CLDN11: variants seen among roughly 807,000 people sequenced by gnomAD.
The protein encoded by CLDN11 is claudin 11, also known as claudin-11.
CLDN11 carries 1 observed loss-of-function variant against 18.0 expected under a neutral mutation model. The ratio of observed to expected loss-of-function variants is 0.06; its 90% CI spans 0.02 to 0.26. The LOEUF (loss-of-function observed/expected upper bound fraction) is 0.26. Among genes scored for constraint, CLDN11 ranks in the 10% least tolerant of loss-of-function variants. CLDN11 has a pLI of 1.00. For synonymous variants in CLDN11, 116 were observed against 121.5 expected, an observed-to-expected ratio of 0.96 and a Z score of 0.30; for missense variants, 172 against 276.6, an observed-to-expected ratio of 0.62 and a Z score of 2.68.
chr3:170,428,978 T>C (rs1429759173), intron 2 of CLDN11, among the ~76,000 whole-genome samples: 1 of 152,196 alleles, frequency 6.6e-6, no homozygotes, highest in Non-Finnish European at 1.5e-5. Context: ...GCGAATAAAA[T>C]TAAAACTATC....
chr3:170,425,710 C>T (rs1478105015), intron 2 of CLDN11, among the ~76,000 whole-genome samples: 4 of 152,170 alleles, frequency 2.6e-5, no homozygotes, highest in Non-Finnish European at 5.9e-5. Context: ...GGAGGCTGCC[C>T]ATTTCCGGAC....
At position 170,433,163 on chromosome 3, in the gene CLDN11, A is replaced by G. The variant is rs1253429157; in HGVS notation, c.*407A>G. ...TTTTTTTTTTTTTTTTTTTTTTTAA[A>G]TAGGGCCTCACTCTGTTGCTCAGGC... is the stretch of plus-strand genomic sequence containing the variant. On this transcript the variant is annotated 3_prime_UTR_variant, in exon 3 of 3. Coordinates refer to ENST00000064724, the MANE Select transcript of CLDN11 (RefSeq NM_005602.6). 1 of 116,556 alleles carries G rather than the reference A, an allele frequency of 8.6e-6. No homozygotes were observed. The highest frequency in any genetic ancestry group is 1.7e-5 in the Non-Finnish European group (1 of 59,756). The allele number at this position is 116,556 out of a possible 1,614,324, so 7.2% of individuals were successfully genotyped here. A position where few individuals can be genotyped will look rare whatever the true frequency, so the allele number is the denominator to read the frequency against.
At chr3:170,428,140 C>CAAAAAAAA (rs34713746) in intron 2 of CLDN11, among the ~76,000 whole-genome samples, 1 of 106,950 alleles carries the variant, frequency 9.4e-6, no homozygotes. Context: ...GATATCCTAT[C>CAAAAAAAA]AAAAAAAAAA....
At position 170,432,774 on chromosome 3, in the gene CLDN11, C is replaced by G; in HGVS notation, c.*18C>G. The G allele has an allele frequency of 6.2e-7, 1 of 1,611,978 alleles. No homozygotes were observed. The highest frequency in any genetic ancestry group is 2.2e-5 in the East Asian group (1 of 44,880). On this transcript the variant is annotated 3_prime_UTR_variant, in exon 3 of 3. Coordinates refer to ENST00000064724, the MANE Select transcript of CLDN11 (RefSeq NM_005602.6). ...ACGTATAAGAGGGCTGCCCGGCTGCCCACAGAGGTGCTGTAGATGCTGGGC... is the reference window on the plus strand; with the variant it reads ...ACGTATAAGAGGGCTGCCCGGCTGCGCACAGAGGTGCTGTAGATGCTGGGC...
Position 170,433,451 on chromosome 3 carries a change from C to T in CLDN11, c.*695C>T, listed in dbSNP as rs1739063281. 6.6e-6 allele frequency: 1 copy of T among 152,036 alleles called. No individual in the cohort carries two copies. The highest frequency in any genetic ancestry group is 1.9e-4 in the East Asian group (1 of 5,178). 9.4% of individuals were successfully genotyped at this position (152,036 alleles called of 1,614,324 possible). ...CCACCACACCGGCCAAGATGCTTTT[C>T]AAACTGATACAGATGACAATGGGAG... On this transcript the variant is annotated 3_prime_UTR_variant, in exon 3 of 3. Coordinates refer to ENST00000064724, the MANE Select transcript of CLDN11 (RefSeq NM_005602.6).
At chr3:170,428,268 C>T (rs1560235268) in intron 2 of CLDN11, among the ~76,000 whole-genome samples, 1 of 152,122 alleles carries the variant, frequency 6.6e-6, no homozygotes, top group Non-Finnish European at 1.5e-5. Flanking sequence ...CAACGTCAAA[C>T]ATACCTGTAT....
chr3:170,425,042 C>G (rs897627783), intron 2 of CLDN11, among the ~76,000 whole-genome samples: 3 of 152,088 alleles, frequency 2.0e-5, no homozygotes, highest in Non-Finnish European at 4.4e-5. Context: ...ATTTGTGTGC[C>G]AGCGTCACAC....
rs919337608 is a variant in CLDN11 at position 170,430,740 on chromosome 3, T to G, written c.392-1784T>G. ...TTGTATTTTTTTGTAGAGATGGGGT[T>G]TTGCCATGTTGGCCAGGCTGATCTT... On this transcript the variant is annotated intron_variant, in intron 2 of 2. Coordinates refer to ENST00000064724, the MANE Select transcript of CLDN11 (RefSeq NM_005602.6). Among the ~76,000 whole-genome samples, 5 of 151,958 alleles carry G rather than the reference T, an allele frequency of 3.3e-5. No individual in the cohort carries two copies. The East Asian group carries it at 9.6e-4, about 29-fold the overall frequency.
chr3:170,425,893 T>C (rs1376712991), intron 2 of CLDN11, among the ~76,000 whole-genome samples: 1 of 152,244 alleles, frequency 6.6e-6, no homozygotes, highest in Non-Finnish European at 1.5e-5. Flanking sequence ...GTCTCAAGCA[T>C]GGCACCTGCT....
intron 1 of CLDN11, among the ~76,000 whole-genome samples, chr3:170,420,045 C>T (rs951408960): frequency 6.6e-6 from 1 of 152,232 alleles, no homozygotes; most frequent in Non-Finnish European, 1.5e-5. Flanking sequence ...GCGGACTCCA[C>T]TGGGGAGATA....
At position 170,419,099 on chromosome 3, in the gene CLDN11, C is replaced by A; in HGVS notation, c.33C>A (p.Phe11Leu). ...CCACGTGCCTGCAGGTGGTGGGCTT[C>A]GTCACGAGCTTCGTGGGCTGGATCG... MVATCLQVVG[F>L]VTSFVGWIGV... Residue 11 changes from phenylalanine to leucine, a missense_variant, in exon 1 of 3, where the codon TTC becomes TTA. Coordinates refer to ENST00000064724, the MANE Select transcript of CLDN11 (RefSeq NM_005602.6). This position sits in a 1 kb window ranked among gnomAD's most constrained non-coding sequence, Gnocchi z 8.6. 1.3e-6 allele frequency: 2 copies of A among 1,551,194 alleles called. No individual in the cohort carries two copies. Among genetic ancestry groups the A allele is most frequent in the Non-Finnish European group, 1.7e-6 (2 of 1,147,058 alleles).
Position 170,432,793 on chromosome 3 carries a change from G to A in CLDN11, c.*37G>A, listed in dbSNP as rs1338742981. 8 of 1,594,542 alleles carry A rather than the reference G, an allele frequency of 5.0e-6. No homozygotes were observed. The highest frequency in any genetic ancestry group is 1.7e-4 in the Middle Eastern group (1 of 6,042). Reference sequence around the variant, plus strand: ...GGCTGCCCACAGAGGTGCTGTAGATGCTGGGCCCAGGGCCCTAGGTTTGCT... The same window carrying A: ...GGCTGCCCACAGAGGTGCTGTAGATACTGGGCCCAGGGCCCTAGGTTTGCT... On this transcript the variant is annotated 3_prime_UTR_variant, in exon 3 of 3. Transcript: ENST00000064724.
Position 170,419,075 on chromosome 3 carries a change from C to T in CLDN11, c.9C>T (p.Ala3=). 2 of 1,550,208 alleles carry T rather than the reference C, an allele frequency of 1.3e-6. No homozygotes were observed. The highest frequency in any genetic ancestry group is 1.7e-6 in the Non-Finnish European group (2 of 1,146,804). The change falls in exon 1 of 3, where the codon GCC becomes GCT. Residue 3 remains alanine, a synonymous_variant. Coordinates refer to ENST00000064724, the MANE Select transcript of CLDN11 (RefSeq NM_005602.6). This position sits in a 1 kb window ranked among gnomAD's most constrained non-coding sequence, Gnocchi z 8.6. The stretch of plus-strand genomic sequence containing the variant: ...ACATCCTGGCGGCCACCATGGTGGC[C>T]ACGTGCCTGCAGGTGGTGGGCTTCG... MV[A]TCLQVVGFVT... is the part of the protein sequence containing the mutation.
intron 2 of CLDN11, among the ~76,000 whole-genome samples, chr3:170,431,945 T>C (rs1015036381): frequency 2.0e-5 from 3 of 152,240 alleles, no homozygotes; most frequent in African/African-American, 7.2e-5. Flanking sequence ...TCCAGATCTT[T>C]GTAATGTGAA....
Position 170,419,558 on chromosome 3 carries a change from CG to C in CLDN11, c.226+268del, listed in dbSNP as rs1738669863. 6.6e-6 allele frequency among the ~76,000 whole-genome samples: 1 copy of C among 152,176 alleles called. No homozygotes were observed. Among genetic ancestry groups the C allele is most frequent in the Non-Finnish European group, 1.5e-5 (1 of 68,030 alleles). On this transcript the variant is annotated intron_variant, in intron 1 of 2. Transcript: ENST00000064724. The surrounding 1 kb of genome is among the most constrained non-coding windows in gnomAD (Gnocchi z 8.6). ...CGGGTCCCTTTGAGAATGAACAAACCGGAACACCTAATAGGAACTGAGTCCG... is the reference window on the plus strand; with the variant it reads ...CGGGTCCCTTTGAGAATGAACAAACCGAACACCTAATAGGAACTGAGTCCG...
rs573304742 is a variant in CLDN11 at position 170,420,822 on chromosome 3, A to G, written c.226+1530A>G. 3.9e-5 allele frequency among the ~76,000 whole-genome samples: 6 copies of G among 152,268 alleles called. No individual in the cohort carries two copies. In the East Asian group the frequency reaches 5.8e-4, roughly 15 times the overall value. On this transcript the variant is annotated intron_variant, in intron 1 of 2. Transcript: ENST00000064724. ...CAGCCTCCGGCATCCAGGACTCACA[A>G]TCTGGGTGAGGGGGGACAAATTGCT...
At chr3:170,423,422 G>A in intron 2 of CLDN11, 95 bp downstream of exon 2, 2 of 1,426,370 alleles carry the variant, frequency 1.4e-6, no homozygotes, top group Non-Finnish European at 1.9e-6. Flanking sequence ...AGAGAAATGT[G>A]AAAGGAAGCC....
intron 2 of CLDN11, among the ~76,000 whole-genome samples, chr3:170,429,239 G>A (rs1431351672): frequency 1.3e-5 from 2 of 152,082 alleles, no homozygotes; most frequent in Non-Finnish European, 2.9e-5. Context: ...ATGTTGTGTG[G>A]CAGTCTGTCA....
rs766133981 is a variant in CLDN11, at chr3:170,433,764, A to G, written c.*1008A>G. 9.2e-5 allele frequency: 14 copies of G among 152,664 alleles called. No individual in the cohort carries two copies. The highest frequency in any genetic ancestry group is 1.8e-4 in the Non-Finnish European group (12 of 68,042). 9.5% of individuals were successfully genotyped at this position (152,664 alleles called of 1,614,324 possible). ...GAAGGAAATGAACCACATAGACTTTATGCAATAAATAACAGTGCAAGTGAG... is the reference window on the plus strand; with the variant it reads ...GAAGGAAATGAACCACATAGACTTTGTGCAATAAATAACAGTGCAAGTGAG... On this transcript the variant is annotated 3_prime_UTR_variant, in exon 3 of 3. Transcript: ENST00000064724.
Sources: gnomAD v4.1 joint callset for allele counts (sites outside exome capture counted in the v4.1 genomes callset) on GRCh38, gnomAD v4.1.1 for gene constraint, Gnocchi (gnomAD v3.1) non-coding constraint, MANE v1.5 for transcripts, NCBI Gene and HGNC (gene_info 2026-07-23, HGNC 2026-07-21) for gene names.